The following NDUFS1 variants were observed in gnomAD, a reference collection of about 807,000 sequenced individuals.
The protein encoded by NDUFS1 is NADH-ubiquinone oxidoreductase 75 kDa subunit, mitochondrial.
A neutral mutation model predicts 84.4 loss-of-function variants in NDUFS1; 61 were observed. The ratio of observed to expected loss-of-function variants is 0.72; its 90% CI spans 0.59 to 0.89. The LOEUF (loss-of-function observed/expected upper bound fraction) is 0.89, where lower values mean the gene tolerates loss of function less well. NDUFS1 is among the 40% of genes least tolerant of loss of function. The pLI, the probability that NDUFS1 is intolerant of heterozygous loss-of-function variation, is 0.00. For synonymous variants in NDUFS1, 275 were observed against 290.0 expected, an observed-to-expected ratio of 0.95 and a Z score of 0.53; for missense variants, 891 against 890.0, an observed-to-expected ratio of 1.00 and a Z score of -0.01.
Position 206,127,827 on chromosome 2 carries a change from T to C in NDUFS1, c.1854A>G (p.Glu618=), listed in dbSNP as rs1241510645. The change falls in exon 16 of 19, where the codon GAA becomes GAG. Residue 618 remains glutamate (E), a synonymous_variant. Transcript: ENST00000233190. The part of the protein sequence containing the change: ...VAVTPPGLAR[E]DWKIIRALSE... ...AGAGTGCTCTTATAATTTTCCAGTCTTCTCTTGCCAAGCCAGGAGGTGTCA... is the reference window on the plus strand; with the variant it reads ...AGAGTGCTCTTATAATTTTCCAGTCCTCTCTTGCCAAGCCAGGAGGTGTCA... The C allele has an allele frequency of 6.2e-7, 1 of 1,614,044 alleles. No homozygotes were observed. Among genetic ancestry groups the C allele is most frequent in the East Asian group, 2.2e-5 (1 of 44,876 alleles).
intron 13 of NDUFS1, among the ~76,000 whole-genome samples, chr2:206,134,404 T>C (rs1349427579): frequency 1.3e-5 from 2 of 151,658 alleles, no homozygotes; most frequent in African/African-American, 2.4e-5. Context: ...GAGGCCGAAG[T>C]GGGTGGATGA....
intron 5 of NDUFS1, among the ~76,000 whole-genome samples, 193 bp from the exon 6 acceptor site, chr2:206,148,027 C>A (rs1431654978): frequency 6.6e-6 from 1 of 152,012 alleles, no homozygotes; most frequent in African/African-American, 2.4e-5. Context: ...CAGGTTCAAG[C>A]GATTCTCTTG....
intron 4 of NDUFS1, 40 bp downstream of exon 4, chr2:206,149,778 A>G (rs1692296131): frequency 2.1e-6 from 3 of 1,458,186 alleles, no homozygotes; most frequent in Non-Finnish European, 2.9e-6. Context: ...AAAGTTTTCT[A>G]CCTTCTACAG....
intron 15 of NDUFS1, among the ~76,000 whole-genome samples, 178 bp downstream of exon 15, chr2:206,129,910 C>T (rs1691439079): frequency 1.3e-5 from 2 of 151,662 alleles, no homozygotes. Context: ...TTCTTAAAAG[C>T]AGTATCAATT....
intron 10 of NDUFS1, among the ~76,000 whole-genome samples, chr2:206,143,354 TAGAA>T (rs777561807): frequency 1.3e-5 from 2 of 152,194 alleles, no homozygotes; most frequent in Non-Finnish European, 2.9e-5. Flanking sequence ...AACATCAACT[TAGAA>T]GGAAGCTGTT....
chr2:206,132,805 A>G, intron 14 of NDUFS1, 140 bp downstream of exon 14: 1 of 717,322 alleles, frequency 1.4e-6, no homozygotes, highest in East Asian at 2.7e-5. Context: ...ACACAGAGTA[A>G]AGGTCTATAT....
Position 206,141,730 on chromosome 2 carries a change from G to C in NDUFS1, c.1262+211C>G, listed in dbSNP as rs891539629. On this transcript the variant is annotated intron_variant, in intron 12 of 18. Transcript: ENST00000233190. ...ACATGGTGAAACCCCATCTCGAGGC[G>C]GAGCTTGCAGAGCCGAGATCCTGCC... Among the ~76,000 whole-genome samples the C allele has an allele frequency of 2.5e-4, 37 of 148,990 alleles. 1 individual carries two copies. Among genetic ancestry groups the C allele is most frequent in the African/African-American group, 8.6e-4 (35 of 40,500 alleles).
At chr2:206,127,658 C>A (rs1057017727) in intron 16 of NDUFS1, 139 bp downstream of exon 16, 4 of 924,804 alleles carry the variant, frequency 4.3e-6, no homozygotes, top group East Asian at 5.2e-5. Context: ...TTTCTGAATA[C>A]ATGTTTTCTA....
chr2:206,142,237 G>A (rs1212813494), intron 11 of NDUFS1, among the ~76,000 whole-genome samples, 168 bp from the exon 12 acceptor site: 1 of 151,900 alleles, frequency 6.6e-6, no homozygotes, highest in South Asian at 2.1e-4. Flanking sequence ...TTCTCAGATA[G>A]AGTCTCACTC....
At chr2:206,142,111 A>G (rs751889701) in intron 11 of NDUFS1, 42 bp from the exon 12 acceptor site, 2 of 1,510,280 alleles carry the variant, frequency 1.3e-6, no homozygotes, top group Non-Finnish European at 1.8e-6. Flanking sequence ...CTTTAAAATT[A>G]AGACATACAG....
chr2:206,134,889 A>G (rs1418085562), intron 13 of NDUFS1, among the ~76,000 whole-genome samples: 1 of 152,012 alleles, frequency 6.6e-6, no homozygotes, highest in Non-Finnish European at 1.5e-5. Flanking sequence ...AGGTGGGAGG[A>G]CTGCTTAAGC....
At chr2:206,137,883 T>A (rs767778114) in intron 13 of NDUFS1, among the ~76,000 whole-genome samples, 1 of 151,900 alleles carries the variant, frequency 6.6e-6, no homozygotes, top group Non-Finnish European at 1.5e-5. Flanking sequence ...TTACTTTGAT[T>A]TCTTTTCAGA....
chr2:206,156,290 T>G (rs1197148482), intron 1 of NDUFS1, among the ~76,000 whole-genome samples: 2 of 137,756 alleles, frequency 1.5e-5, no homozygotes, highest in African/African-American at 2.8e-5. Context: ...AAATGCAAAT[T>G]GGACAGGAGA....
chr2:206,115,970 C>A lies in NDUFS1; in HGVS notation c.*8215G>T, dbSNP rs1425930639. On this transcript the variant is annotated 3_prime_UTR_variant, in exon 19 of 19. Transcript: ENST00000233190. ...TAGAAAGTTAAAAGGCATCTTCTTTCATTAGCAGTGTTAACAGTAGTTTTT... is the reference window on the plus strand; with the variant it reads ...TAGAAAGTTAAAAGGCATCTTCTTTAATTAGCAGTGTTAACAGTAGTTTTT... 1.4e-6 allele frequency: 1 copy of A among 698,220 alleles called. No homozygotes were observed. The allele number at this position is 698,220 out of a possible 1,614,324, so 43.3% of individuals were successfully genotyped here. A position where few individuals can be genotyped will look rare whatever the true frequency, so the allele number is the denominator to read the frequency against.
intron 12 of NDUFS1, among the ~76,000 whole-genome samples, chr2:206,139,506 G>T (rs1212407509): frequency 6.6e-6 from 1 of 152,006 alleles, no homozygotes; most frequent in African/African-American, 2.4e-5. Flanking sequence ...TTTAATTTTA[G>T]AATTAATCTG....
chr2:206,157,306 A>G (rs1687697329), intron 1 of NDUFS1, among the ~76,000 whole-genome samples: 1 of 152,198 alleles, frequency 6.6e-6, no homozygotes, highest in Non-Finnish European at 1.5e-5. Flanking sequence ...GTACCAGTAC[A>G]CACTGTGTAG....
At chr2:206,148,791 C>G (rs1196958832) in intron 5 of NDUFS1, among the ~76,000 whole-genome samples, 1 of 152,110 alleles carries the variant, frequency 6.6e-6, no homozygotes, top group African/African-American at 2.4e-5. Context: ...ACAAGTTGAG[C>G]AAGTTACTAA....
Position 206,136,472 on chromosome 2 carries a change from C to T in NDUFS1, c.1392+2013G>A, listed in dbSNP as rs370182926. Among the ~76,000 whole-genome samples the T allele has an allele frequency of 5.7e-5, 8 of 139,636 alleles. No individual in the cohort carries two copies. In the East Asian group the frequency reaches 6.2e-4, roughly 11 times the overall value. The allele number at this position is 139,636 out of a possible 152,430, so 91.6% of individuals were successfully genotyped here. ...TTTTTGAGATGGAGTCTCGCTCTGT[C>T]GCCCAGGCTGGAGTGCAGTGGCATG... On this transcript the variant is annotated intron_variant, in intron 13 of 18. Coordinates refer to ENST00000233190, the MANE Select transcript of NDUFS1 (RefSeq NM_005006.7).
In NDUFS1 at chr2:206,146,853, T is replaced by C. The variant is rs377585722; in HGVS notation, c.737+50A>G. 3 of 1,519,272 alleles carry C rather than the reference T, an allele frequency of 2.0e-6. No homozygotes were observed. The African/African-American group carries it at 4.1e-5, about 21-fold the overall frequency. 94.1% of individuals were successfully genotyped at this position (1,519,272 alleles called of 1,614,324 possible). The stretch of plus-strand genomic sequence containing the variant: ...AAATGAACCTTAATATTTTTTTGAA[T>C]AGTAATGAATTAAGGACAAAAAAAC... On this transcript the variant is annotated intron_variant, in intron 8 of 18. Coordinates refer to ENST00000233190, the MANE Select transcript of NDUFS1 (RefSeq NM_005006.7).
Sources: gnomAD v4.1 joint callset for allele counts (sites outside exome capture counted in the v4.1 genomes callset) on GRCh38, gnomAD v4.1.1 for gene constraint, MANE v1.5 for transcripts, NCBI Gene and HGNC (gene_info 2026-07-23, HGNC 2026-07-21) for gene names.